GOLGA4: variants seen among roughly 807,000 people sequenced by gnomAD.
GOLGA4 encodes the protein golgin subfamily A member 4.
In GOLGA4, 169 loss-of-function variants were observed where a neutral mutation model predicts 265.9. The ratio of observed to expected loss-of-function variants is 0.64; its 90% confidence interval spans 0.56 to 0.72. GOLGA4 has a LOEUF of 0.72. GOLGA4 is among the 30% of genes least tolerant of loss of function. GOLGA4 has a pLI of 0.00. For synonymous variants in GOLGA4, 923 were observed against 855.8 expected (o/e 1.08, Z -1.37); for missense variants, 2,482 against 2,483.4 (o/e 1.00, Z 0.01).
chr3:37,256,716 G>A (rs1199943346), intron 2 of GOLGA4, among the ~76,000 whole-genome samples: 1 of 151,890 alleles, frequency 6.6e-6, no homozygotes, highest in Non-Finnish European at 1.5e-5. Context: ...AATCTTTTTT[G>A]CTTCCCTAGT....
chr3:37,326,499 CTA>C lies in GOLGA4; in HGVS notation c.4615_4616del (p.Ile1539Ter). The C allele has an allele frequency of 6.2e-7, 1 of 1,606,996 alleles. No homozygotes were observed. The highest frequency in any genetic ancestry group is 8.5e-7 in the Non-Finnish European group (1 of 1,176,838). On this transcript the variant is annotated frameshift_variant, in exon 14 of 24. Transcript: ENST00000361924. LOFTEE classifies it high-confidence loss of function. ...TTAGAGGACCATATTACCCAGAAAA[CTA>C]TTGAAATAGAGTCCTTAAATGAAGT...
At chr3:37,263,312 T>C (rs897499737) in intron 2 of GOLGA4, among the ~76,000 whole-genome samples, 9 of 152,118 alleles carry the variant, frequency 5.9e-5, no homozygotes, top group East Asian at 1.9e-4. Flanking sequence ...TATTTTGCTG[T>C]TGTTCTTGTT....
intron 23 of GOLGA4, among the ~76,000 whole-genome samples, chr3:37,363,338 CTTG>C (rs1294022700): frequency 1.3e-5 from 2 of 152,112 alleles, no homozygotes; most frequent in Non-Finnish European, 2.9e-5. Flanking sequence ...CTGCATTGTA[CTTG>C]TTATTATTGC....
intron 11 of GOLGA4, among the ~76,000 whole-genome samples, chr3:37,316,904 G>A (rs745503658): frequency 2.7e-5 from 4 of 150,126 alleles, no homozygotes; most frequent in Non-Finnish European, 5.9e-5. Flanking sequence ...TCCTGACATC[G>A]TTTTTAAAAA....
chr3:37,357,793 A>C (rs1459884382), intron 22 of GOLGA4, among the ~76,000 whole-genome samples: 1 of 152,240 alleles, frequency 6.6e-6, no homozygotes, highest in Non-Finnish European at 1.5e-5. Context: ...GCTAGAACAA[A>C]ACACAGGTAT....
intron 10 of GOLGA4, among the ~76,000 whole-genome samples, chr3:37,308,774 C>T (rs1349686596): frequency 1.3e-5 from 2 of 151,802 alleles, no homozygotes; most frequent in African/African-American, 2.4e-5. Context: ...TGCCACTACG[C>T]CCAGCTAATT....
intron 10 of GOLGA4, among the ~76,000 whole-genome samples, chr3:37,304,140 G>T (rs2096900272): frequency 6.6e-6 from 1 of 152,124 alleles, no homozygotes; most frequent in Non-Finnish European, 1.5e-5. Flanking sequence ...TTTTTTGGGG[G>T]AATATAAGAT....
chr3:37,366,345 C>G lies in GOLGA4; in HGVS notation c.*299C>G. On this transcript the variant is annotated 3_prime_UTR_variant, in exon 24 of 24. Coordinates refer to ENST00000361924, the MANE Select transcript of GOLGA4 (RefSeq NM_002078.5). ...TTAAAAGATATTTTGATAACTTAAC[C>G]TGCTTTATGGGCTTACATAATATTC... The G allele has an allele frequency of 2.5e-6, 1 of 400,184 alleles. No homozygotes were observed. The highest frequency in any genetic ancestry group is 4.4e-6 in the Non-Finnish European group (1 of 227,172). 24.8% of individuals were successfully genotyped at this position (400,184 alleles called of 1,614,324 possible).
chr3:37,260,216 G>C (rs1227482961), intron 2 of GOLGA4, among the ~76,000 whole-genome samples: 1 of 150,968 alleles, frequency 6.6e-6, no homozygotes, highest in Non-Finnish European at 1.5e-5. Flanking sequence ...TTATGAACTT[G>C]TGTTGGGCCT....
intron 2 of GOLGA4, among the ~76,000 whole-genome samples, chr3:37,264,293 C>T (rs1377209151): frequency 6.6e-6 from 1 of 152,138 alleles, no homozygotes; most frequent in Non-Finnish European, 1.5e-5. Context: ...TTAAATTTAA[C>T]ATCCATTCAA....
rs897090440 is a variant in GOLGA4 at position 37,243,455 on chromosome 3, G to C, written c.-96G>C. 18 of 1,020,496 alleles carry C rather than the reference G, an allele frequency of 1.8e-5. No homozygotes were observed. The highest frequency in any genetic ancestry group is 4.1e-4 in the Middle Eastern group (2 of 4,874). The allele number at this position is 1,020,496 out of a possible 1,614,324, so 63.2% of individuals were successfully genotyped here. A position where few individuals can be genotyped will look rare whatever the true frequency, so the allele number is the denominator to read the frequency against. On this transcript the variant is annotated 5_prime_UTR_variant, in exon 1 of 24. Transcript: ENST00000361924. ...GCGAGGCCCGGCCCCCGCTGTCCCTGGTGTAAAGAAGTCGCCGTAGCCGTC... is the reference window on the plus strand; with the variant it reads ...GCGAGGCCCGGCCCCCGCTGTCCCTCGTGTAAAGAAGTCGCCGTAGCCGTC...
At chr3:37,294,436 A>G (rs1351255211) in intron 5 of GOLGA4, among the ~76,000 whole-genome samples, 1 of 144,096 alleles carries the variant, frequency 6.9e-6, no homozygotes, top group Non-Finnish European at 1.5e-5. Flanking sequence ...CCCAGGCTGG[A>G]GTGCAGTGGC....
At chr3:37,340,435 TTG>T (rs754138474) in intron 20 of GOLGA4, among the ~76,000 whole-genome samples, 1 of 152,150 alleles carries the variant, frequency 6.6e-6, no homozygotes, top group Non-Finnish European at 1.5e-5. Context: ...ACTACCTTTT[TTG>T]TGTGTGTGTG....
chr3:37,279,494 C>T (rs186921196), intron 2 of GOLGA4, among the ~76,000 whole-genome samples: 66 of 152,330 alleles, frequency 4.3e-4, no homozygotes, highest in African/African-American at 1.0e-3. Context: ...GGCCAGATGG[C>T]GCCAAGGGCA....
chr3:37,290,898 T>A (rs1366115554), intron 5 of GOLGA4, among the ~76,000 whole-genome samples: 1 of 152,192 alleles, frequency 6.6e-6, no homozygotes, highest in Non-Finnish European at 1.5e-5. Flanking sequence ...CCTTTGCTTT[T>A]GCTAGAGGGG....
chr3:37,252,765 T>C (rs1018263343), intron 2 of GOLGA4, among the ~76,000 whole-genome samples: 1 of 152,236 alleles, frequency 6.6e-6, no homozygotes, highest in African/African-American at 2.4e-5. Flanking sequence ...ATTGCCCATT[T>C]GATGTCTTTT....
chr3:37,283,848 G>A (rs1038703158), intron 3 of GOLGA4, among the ~76,000 whole-genome samples: 1 of 152,074 alleles, frequency 6.6e-6, no homozygotes, highest in Non-Finnish European at 1.5e-5. Flanking sequence ...TATTTATAAT[G>A]TCATGTAATA....
At chr3:37,322,907 T>A (rs1034410145) in intron 13 of GOLGA4, among the ~76,000 whole-genome samples, 2 of 152,050 alleles carry the variant, frequency 1.3e-5, no homozygotes, top group African/African-American at 2.4e-5. Context: ...ATTATGAGAA[T>A]AATAAAATAC....
intron 2 of GOLGA4, among the ~76,000 whole-genome samples, chr3:37,267,124 T>G (rs1442130182): frequency 6.6e-6 from 1 of 152,240 alleles, no homozygotes; most frequent in Non-Finnish European, 1.5e-5. Context: ...CTGGTGTGCT[T>G]CCTGGTAGCT....
Sources: allele counts gnomAD v4.1 joint callset (sites outside exome capture counted in the v4.1 genomes callset), GRCh38; gene constraint gnomAD v4.1.1; transcripts MANE v1.5; gene names NCBI Gene and HGNC (gene_info 2026-07-23, HGNC 2026-07-21).